The following MED20 variants were observed in gnomAD, a reference collection of about 807,000 sequenced individuals.
MED20 encodes mediator of RNA polymerase II transcription subunit 20.
Under a neutral mutation model 19.7 loss-of-function variants are expected in MED20, and 19 were observed. That is an observed-to-expected ratio of 0.96 (90% CI 0.67 to 1.42). The LOEUF is 1.42. Among genes scored for constraint, MED20 ranks in the 40% most tolerant of loss-of-function variants. The pLI is 0.00. For missense variants in MED20, 225 were observed against 273.0 expected (o/e 0.82, Z 1.24); for synonymous variants, 105 against 104.8 (o/e 1.00, Z -0.01).
intron 1 of MED20, among the ~76,000 whole-genome samples, chr6:41,918,491 C>T (rs1367895164): frequency 6.9e-6 from 1 of 144,366 alleles, no homozygotes; most frequent in Non-Finnish European, 1.5e-5. Context: ...ACAACAAGAG[C>T]GAAACTCCAT....
chr6:41,915,514 G>A lies in MED20; in HGVS notation c.169+1271C>T, dbSNP rs546468768. Among the ~76,000 whole-genome samples the A allele has an allele frequency of 6.9e-4, 105 of 151,920 alleles. 3 individuals carry two copies. In the South Asian group the frequency reaches 0.014, roughly 21 times the overall value. On this transcript the variant is annotated intron_variant, in intron 2 of 3. Coordinates refer to ENST00000265350, the MANE Select transcript of MED20 (RefSeq NM_004275.5). ...TCTCTTAAAAACACACACGCTGGGCGCGGTGGCTCACGCCTATAATCCCAG... is the reference window on the plus strand; with the variant it reads ...TCTCTTAAAAACACACACGCTGGGCACGGTGGCTCACGCCTATAATCCCAG...
intron 3 of MED20, 86 bp from the exon 4 acceptor site, chr6:41,907,373 T>A: frequency 7.6e-7 from 1 of 1,310,734 alleles, no homozygotes; most frequent in Middle Eastern, 2.0e-4. Flanking sequence ...CCTGCTCCCA[T>A]CTTCCCCAAC....
rs1478097059 is a variant in MED20 at position 41,909,542 on chromosome 6, TATTCATCATCAAG to T, written c.170-33_170-21del. ...TCTGACCTGCAAGGGACAGAGATCC[TATTCATCATCAAG>T]ACTTTCACTGGCAAACCCCAGAGTA... On this transcript the variant is annotated intron_variant, in intron 2 of 3. Coordinates refer to ENST00000265350, the MANE Select transcript of MED20 (RefSeq NM_004275.5). 6.2e-7 allele frequency: 1 copy of T among 1,609,468 alleles called. No homozygotes were observed. Among genetic ancestry groups the T allele is most frequent in the Non-Finnish European group, 8.5e-7 (1 of 1,176,316 alleles).
chr6:41,917,081 G>A, intron 1 of MED20, 142 bp from the exon 2 acceptor site: 1 of 828,844 alleles, frequency 1.2e-6, no homozygotes, highest in Non-Finnish European at 1.7e-6. Context: ...CCCAATCCCT[G>A]CAACTTTATT....
At chr6:41,907,449 T>C (rs1775085354) in intron 3 of MED20, among the ~76,000 whole-genome samples, 162 bp from the exon 4 acceptor site, 1 of 152,114 alleles carries the variant, frequency 6.6e-6, no homozygotes, top group South Asian at 2.1e-4. Flanking sequence ...ACCTAAACAC[T>C]GGGCTCAATA....
intron 3 of MED20, chr6:41,908,826 C>T (rs1485937422): frequency 5.8e-6 from 1 of 173,798 alleles, no homozygotes. Flanking sequence ...ATAAAAGATT[C>T]ACGAAGAGGA....
chr6:41,919,663 C>T (rs1254409283), intron 1 of MED20, among the ~76,000 whole-genome samples: 1 of 152,092 alleles, frequency 6.6e-6, no homozygotes, highest in Non-Finnish European at 1.5e-5. Flanking sequence ...GGCACGGTGG[C>T]TCATGTCTAT....
At chr6:41,912,605 C>T (rs1244339996) in intron 2 of MED20, among the ~76,000 whole-genome samples, 1 of 152,070 alleles carries the variant, frequency 6.6e-6, no homozygotes, top group Non-Finnish European at 1.5e-5. Context: ...GATCTGCCCG[C>T]CTCGGCCTCC....
Position 41,906,856 on chromosome 6 carries a change from G to A in MED20, c.*216C>T. ...TTGAGGACAGGCCAAATCCAGTAAG[G>A]CACGGAGTAAAACAGCTGATGGGGG... On this transcript the variant is annotated 3_prime_UTR_variant, in exon 4 of 4. Coordinates refer to ENST00000265350, the MANE Select transcript of MED20 (RefSeq NM_004275.5). 1 of 559,220 alleles carries A rather than the reference G, an allele frequency of 1.8e-6. No individual in the cohort carries two copies. Among genetic ancestry groups the A allele is most frequent in the Non-Finnish European group, 3.2e-6 (1 of 312,872 alleles). 34.6% of individuals were successfully genotyped at this position (559,220 alleles called of 1,614,324 possible). A position where few individuals can be genotyped will look rare whatever the true frequency, so the allele number is the denominator to read the frequency against.
chr6:41,919,477 G>GA (rs200692594), intron 1 of MED20, among the ~76,000 whole-genome samples: 1,645 of 152,200 alleles, frequency 0.011, 19 homozygotes, highest in South Asian at 0.045. Context: ...TACTCTATCA[G>GA]AAAAAAACAC....
chr6:41,907,158 C>G lies in MED20; in HGVS notation c.553G>C (p.Gly185Arg), dbSNP rs760175473. The G allele has an allele frequency of 6.2e-7, 1 of 1,614,024 alleles. No individual in the cohort carries two copies. The highest frequency in any genetic ancestry group is 1.7e-5 in the Admixed American group (1 of 59,998). ...VFGNRHDAVY[G>R]PADTMVQYME... ...TACTGGACCATGGTATCTGCTGGGC[C>G]GTAGACCGCATCATGTCTGTTCCCA... Residue 185 changes from glycine (G) to arginine (R), a missense_variant, in exon 4 of 4, where the codon GGC (glycine) becomes CGC (arginine). Gly to Arg is a moderately radical substitution (Grantham distance 125). Coordinates refer to ENST00000265350, the MANE Select transcript of MED20 (RefSeq NM_004275.5).
chr6:41,915,603 C>T (rs377517429), intron 2 of MED20, among the ~76,000 whole-genome samples: 24 of 152,224 alleles, frequency 1.6e-4, no homozygotes, highest in South Asian at 4.1e-4. Context: ...CTGGCTAACA[C>T]GGTGAAACCC....
rs3818570 is a variant in MED20, at chr6:41,906,776, C to T, written c.*296G>A. 1 of 378,918 alleles carries T rather than the reference C, an allele frequency of 2.6e-6. No individual in the cohort carries two copies. Among genetic ancestry groups the T allele is most frequent in the East Asian group, 4.5e-5 (1 of 22,300 alleles). The allele number at this position is 378,918 out of a possible 1,614,324, so 23.5% of individuals were successfully genotyped here. ...CCAGGCAGGGACATTCCTGTCCTAC[C>T]TTTCCCCTAAAGGAGGCAAGGTCCA... is the stretch of plus-strand genomic sequence containing the variant. On this transcript the variant is annotated 3_prime_UTR_variant, in exon 4 of 4. Transcript: ENST00000265350.
At chr6:41,909,958 C>T (rs1023826455) in intron 2 of MED20, among the ~76,000 whole-genome samples, 5 of 152,154 alleles carry the variant, frequency 3.3e-5, no homozygotes, top group African/African-American at 1.2e-4. Flanking sequence ...TTCTTCTGCA[C>T]ACTCTTCCTC....
chr6:41,916,258 T>TAAATA (rs58508326), intron 2 of MED20, among the ~76,000 whole-genome samples: 3,978 of 148,312 alleles, frequency 0.027, 74 homozygotes, highest in South Asian at 0.071. Flanking sequence ...CTCAAAAAAA[T>TAAATA]AAATAAAATA....
At chr6:41,920,484 CT>C (rs1166842719) in intron 1 of MED20, among the ~76,000 whole-genome samples, 2 of 152,308 alleles carry the variant, frequency 1.3e-5, no homozygotes, top group Admixed American at 1.3e-4. Context: ...GCAGGCAGTA[CT>C]ATGGCCTCAC....
At chr6:41,909,588 A>G (rs1775141885) in intron 2 of MED20, 66 bp from the exon 3 acceptor site, 2 of 1,580,770 alleles carry the variant, frequency 1.3e-6, no homozygotes, top group Non-Finnish European at 1.7e-6. Context: ...GTAGAGTCAA[A>G]TGACTCCCCC....
chr6:41,921,139 C>G lies in MED20; in HGVS notation c.-121G>C. The G allele has an allele frequency of 7.4e-7, 1 of 1,352,764 alleles. No homozygotes were observed. The highest frequency in any genetic ancestry group is 1.3e-5 in the South Asian group (1 of 74,262). The allele number at this position is 1,352,764 out of a possible 1,614,324, so 83.8% of individuals were successfully genotyped here. ...TGTCTCAGAAGGGACTCCGGAAATA[C>G]GTAAAAACAGAGCGCCGGGTCCACG... is the stretch of plus-strand genomic sequence containing the variant. On this transcript the variant is annotated 5_prime_UTR_variant, in exon 1 of 4. Coordinates refer to ENST00000265350, the MANE Select transcript of MED20 (RefSeq NM_004275.5).
chr6:41,910,497 C>T (rs745351706), intron 2 of MED20, among the ~76,000 whole-genome samples: 6 of 151,354 alleles, frequency 4.0e-5, no homozygotes, highest in East Asian at 2.0e-4. Context: ...CTGGGTGTGG[C>T]GGTGCACGCC....
Sources: allele counts gnomAD v4.1 joint callset (sites outside exome capture counted in the v4.1 genomes callset), GRCh38; gene constraint gnomAD v4.1.1; transcripts MANE v1.5; gene names NCBI Gene and HGNC (gene_info 2026-07-23, HGNC 2026-07-21).